EYS: variants seen among roughly 807,000 people sequenced by gnomAD.
The protein encoded by EYS is EGF-like photoreceptor maintenance factor.
A neutral mutation model predicts 282.1 loss-of-function variants in EYS; 250 were observed. That is an observed-to-expected ratio of 0.89 (90% confidence interval 0.80 to 0.98). EYS has a LOEUF of 0.98. EYS is among the 50% of genes least tolerant of loss of function. The pLI is 0.00. For synonymous variants in EYS, 1,355 were observed against 1,282.9 expected, an observed-to-expected ratio of 1.06 and a Z score of -1.20; for missense variants, 4,016 against 3,709.0, an observed-to-expected ratio of 1.08 and a Z score of -2.15.
At chr6:64,828,286 C>G (rs905203629) in intron 19 of EYS, among the ~76,000 whole-genome samples, 10 of 151,786 alleles carry the variant, frequency 6.6e-5, no homozygotes, top group African/African-American at 2.4e-4. Context: ...TTCTAACTGA[C>G]TTGCAACTGG....
At chr6:63,846,777 C>A (rs1448682051) in intron 36 of EYS, among the ~76,000 whole-genome samples, 1 of 152,120 alleles carries the variant, frequency 6.6e-6, no homozygotes, top group African/African-American at 2.4e-5. Context: ...TACTCAGGAC[C>A]CACACACTAT....
chr6:63,737,001 G>A (rs900486449), intron 41 of EYS, among the ~76,000 whole-genome samples: 37 of 152,050 alleles, frequency 2.4e-4, no homozygotes, highest in African/African-American at 8.7e-4. Flanking sequence ...AGACAATGGG[G>A]TTTTCTAGAT....
chr6:64,947,329 G>A (rs1769320713), intron 14 of EYS, among the ~76,000 whole-genome samples: 1 of 151,826 alleles, frequency 6.6e-6, no homozygotes, highest in Non-Finnish European at 1.5e-5. Context: ...CATGCTCCAT[G>A]TATGTGCATT....
At chr6:65,675,712 G>C (rs943342397) in intron 1 of EYS, among the ~76,000 whole-genome samples, 2 of 151,794 alleles carry the variant, frequency 1.3e-5, no homozygotes, top group Non-Finnish European at 2.9e-5. Flanking sequence ...GACCAATAAG[G>C]AATAAGAGAG....
chr6:65,232,565 C>T (rs1161075095), intron 12 of EYS, among the ~76,000 whole-genome samples: 2 of 151,950 alleles, frequency 1.3e-5, no homozygotes, highest in Non-Finnish European at 2.9e-5. Context: ...AAGATTGCAC[C>T]GAGTTCCCAT....
At chr6:65,149,385 C>T (rs1764557594) in intron 12 of EYS, among the ~76,000 whole-genome samples, 1 of 152,134 alleles carries the variant, frequency 6.6e-6, no homozygotes, top group East Asian at 1.9e-4. Flanking sequence ...TTTGCTCCAG[C>T]TCCTAAGAAC....
intron 11 of EYS, chr6:65,330,337 CTT>C: frequency 3.1e-6 from 3 of 982,672 alleles, no homozygotes; most frequent in Non-Finnish European, 3.6e-6. Flanking sequence ...GGATTGGTGA[CTT>C]AGACATAAAT....
At chr6:64,007,956 T>C (rs1214778966) in intron 33 of EYS, among the ~76,000 whole-genome samples, 1 of 152,162 alleles carries the variant, frequency 6.6e-6, no homozygotes, top group Non-Finnish European at 1.5e-5. Flanking sequence ...GAAGAATGCA[T>C]ATTCTGTTGT....
At chr6:63,743,650 G>A (rs1461566888) in intron 41 of EYS, among the ~76,000 whole-genome samples, 2 of 152,166 alleles carry the variant, frequency 1.3e-5, no homozygotes, top group African/African-American at 2.4e-5. Flanking sequence ...TTGATGCACC[G>A]TTTGTCTCCA....
chr6:64,934,767 A>C (rs566119385), intron 15 of EYS, among the ~76,000 whole-genome samples: 9 of 152,062 alleles, frequency 5.9e-5, no homozygotes, highest in South Asian at 4.1e-4. Context: ...TAGTAATGAT[A>C]GTCCTTTAGG....
At chr6:65,251,290 T>C (rs1454995231) in intron 12 of EYS, among the ~76,000 whole-genome samples, 2 of 151,636 alleles carry the variant, frequency 1.3e-5, no homozygotes, top group African/African-American at 2.4e-5. Context: ...TTATGAAAAG[T>C]AAACTACACT....
intron 26 of EYS, among the ~76,000 whole-genome samples, chr6:64,547,382 T>A (rs1764911577): frequency 6.6e-6 from 1 of 152,072 alleles, no homozygotes. Flanking sequence ...GACTGGTGCG[T>A]TTGCAATCCC....
intron 13 of EYS, among the ~76,000 whole-genome samples, chr6:65,041,624 G>GT (rs1188087384): frequency 2.0e-5 from 3 of 151,418 alleles, no homozygotes; most frequent in Non-Finnish European, 4.4e-5. Flanking sequence ...CTAAATTTTG[G>GT]TTAAAAACAG....
At chr6:65,371,466 A>T (rs974449261) in intron 8 of EYS, among the ~76,000 whole-genome samples, 3 of 150,020 alleles carry the variant, frequency 2.0e-5, no homozygotes, top group African/African-American at 7.3e-5. Flanking sequence ...AAATACCTAC[A>T]CAGAATGAAG....
At chr6:65,269,832 G>A (rs955979949) in intron 12 of EYS, among the ~76,000 whole-genome samples, 17 of 152,032 alleles carry the variant, frequency 1.1e-4, no homozygotes, top group African/African-American at 4.8e-5. Flanking sequence ...CATGAGGGTG[G>A]AGTCTTCATG....
Position 65,494,717 on chromosome 6 carries a change from T to C in EYS, c.694A>G (p.Arg232Gly), listed in dbSNP as rs956120052. Residue 232 changes from arginine to glycine, a missense_variant, in exon 4 of 43, where the codon AGA (arginine) becomes GGA (glycine). Coordinates refer to ENST00000503581, the MANE Select transcript of EYS (RefSeq NM_001142800.2). Reference protein sequence around the residue: ...CKNNGSCINKRENWDEQAYEC... With the variant: ...CKNNGSCINKGENWDEQAYEC... ...TATGCTTGCTCATCCCAATTTTCTC[T>C]TTTATTAATGCAACTGCCATTATTT... The C allele has an allele frequency of 6.2e-6, 10 of 1,607,212 alleles. No individual in the cohort carries two copies. The Admixed American group carries it at 8.4e-5, about 14-fold the overall frequency.
chr6:65,145,673 A>G (rs1764459541), intron 12 of EYS, among the ~76,000 whole-genome samples: 1 of 152,080 alleles, frequency 6.6e-6, no homozygotes, highest in African/African-American at 2.4e-5. Context: ...ACTCCCAGGA[A>G]TCTTTGCACC....
At chr6:65,550,035 C>G (rs1768544650) in intron 2 of EYS, among the ~76,000 whole-genome samples, 1 of 151,982 alleles carries the variant, frequency 6.6e-6, no homozygotes, top group African/African-American at 2.4e-5. Context: ...AATGACTAGA[C>G]AGATGCTTTT....
intron 31 of EYS, among the ~76,000 whole-genome samples, chr6:64,145,964 C>T (rs1489635811): frequency 2.0e-5 from 3 of 152,078 alleles, no homozygotes; most frequent in Non-Finnish European, 4.4e-5. Context: ...TTCACATGAC[C>T]TTATGTTTTT....
Sources: gnomAD v4.1 joint callset for allele counts (sites outside exome capture counted in the v4.1 genomes callset) on GRCh38, gnomAD v4.1.1 for gene constraint, MANE v1.5 for transcripts, NCBI Gene and HGNC (gene_info 2026-07-23, HGNC 2026-07-21) for gene names.